Variants in CADPS2 observed in about 807,000 individuals in gnomAD.
CADPS2 encodes the protein calcium-dependent secretion activator 2.
Under a neutral mutation model 172.5 loss-of-function variants are expected in CADPS2, and 93 were observed. The ratio of observed to expected loss-of-function variants is 0.54; its 90% CI spans 0.46 to 0.64. CADPS2 has a LOEUF of 0.64. Among genes scored for constraint, CADPS2 ranks in the 30% least tolerant of loss-of-function variants. The pLI, the probability that CADPS2 is intolerant of heterozygous loss-of-function variation, is 0.00. For synonymous variants in CADPS2, 546 were observed against 555.2 expected (o/e 0.98, Z 0.23); for missense variants, 1,420 against 1,565.9 (o/e 0.91, Z 1.57).
intron 4 of CADPS2, among the ~76,000 whole-genome samples, chr7:122,626,410 T>C (rs1173651173): frequency 1.3e-5 from 2 of 152,186 alleles, no homozygotes; most frequent in Admixed American, 6.5e-5. Flanking sequence ...CTGATAAGTT[T>C]TGCATGAGGT....
At chr7:122,437,592 C>T (rs2050792613) in intron 17 of CADPS2, among the ~76,000 whole-genome samples, 1 of 149,856 alleles carries the variant, frequency 6.7e-6, no homozygotes, top group Admixed American at 6.6e-5. Flanking sequence ...GCATTTTTTC[C>T]CTCTATTAGT....
chr7:122,715,225 C>T (rs2089420318), intron 2 of CADPS2, among the ~76,000 whole-genome samples: 1 of 152,126 alleles, frequency 6.6e-6, no homozygotes, highest in South Asian at 2.1e-4. Context: ...GTTTTCATAC[C>T]GATATACAGG....
At chr7:122,431,924 C>T (rs1166081235) in intron 17 of CADPS2, among the ~76,000 whole-genome samples, 5 of 3,552 alleles carry the variant, frequency 1.4e-3, no homozygotes, top group African/African-American at 2.4e-3. Flanking sequence ...TCATCGGGGG[C>T]GGGGGTGGGG....
intron 2 of CADPS2, among the ~76,000 whole-genome samples, chr7:122,709,606 A>C (rs2088310684): frequency 6.6e-6 from 1 of 151,854 alleles, no homozygotes; most frequent in African/African-American, 2.4e-5. Context: ...ACACATGCAC[A>C]CGTATGTTTA....
At chr7:122,601,668 G>A (rs1387645972) in intron 6 of CADPS2, among the ~76,000 whole-genome samples, 1 of 151,756 alleles carries the variant, frequency 6.6e-6, no homozygotes, top group Non-Finnish European at 1.5e-5. Flanking sequence ...ATTTTAATTT[G>A]GAAGACGTGT....
At chr7:122,571,447 C>T (rs2067242677) in intron 7 of CADPS2, among the ~76,000 whole-genome samples, 1 of 152,026 alleles carries the variant, frequency 6.6e-6, no homozygotes, top group Non-Finnish European at 1.5e-5. Flanking sequence ...GGATGCTGTG[C>T]ATAATATGAT....
intron 2 of CADPS2, among the ~76,000 whole-genome samples, chr7:122,729,097 T>C (rs527816900): frequency 3.3e-5 from 5 of 151,950 alleles, no homozygotes; most frequent in African/African-American, 1.2e-4. Flanking sequence ...AGATTCTACA[T>C]ATGAGGGAAA....
At chr7:122,418,637 G>A (rs77512676) in intron 17 of CADPS2, among the ~76,000 whole-genome samples, 1,551 of 152,278 alleles carry the variant, frequency 0.01, 19 homozygotes, top group South Asian at 0.022. Flanking sequence ...AGTAGGAATA[G>A]AAAAGAAGGG....
intron 1 of CADPS2, among the ~76,000 whole-genome samples, chr7:122,861,519 G>A (rs1563196714): frequency 6.6e-6 from 1 of 152,208 alleles, no homozygotes; most frequent in Non-Finnish European, 1.5e-5. Flanking sequence ...CAGATGCACA[G>A]TTTATAATTT....
intron 1 of CADPS2, among the ~76,000 whole-genome samples, chr7:122,812,458 A>G (rs1263512988): frequency 6.6e-6 from 1 of 151,906 alleles, no homozygotes; most frequent in African/African-American, 2.4e-5. Flanking sequence ...GAAAGAAAGA[A>G]AAAAAGAAAG....
intron 8 of CADPS2, among the ~76,000 whole-genome samples, chr7:122,514,323 G>A (rs1411833517): frequency 6.6e-6 from 1 of 151,926 alleles, no homozygotes; most frequent in East Asian, 1.9e-4. Context: ...ATACAATTCT[G>A]AGTGATTTTT....
chr7:122,633,985 T>A (rs1189275329), intron 3 of CADPS2, among the ~76,000 whole-genome samples: 1 of 152,214 alleles, frequency 6.6e-6, no homozygotes, highest in Non-Finnish European at 1.5e-5. Context: ...TGGTGAATTA[T>A]CTTTATTTAT....
At chr7:122,433,889 G>A (rs903634921) in intron 17 of CADPS2, among the ~76,000 whole-genome samples, 1 of 152,094 alleles carries the variant, frequency 6.6e-6, no homozygotes, top group African/African-American at 2.4e-5. Context: ...AGGAGATCAG[G>A]CAACTCTACA....
chr7:122,835,549 G>T (rs550775999), intron 1 of CADPS2, among the ~76,000 whole-genome samples: 7 of 152,094 alleles, frequency 4.6e-5, no homozygotes, highest in Non-Finnish European at 1.0e-4. Flanking sequence ...AAGATTAGAC[G>T]AACGGATAAC....
chr7:122,653,582 T>C (rs146981093), intron 3 of CADPS2, among the ~76,000 whole-genome samples: 3 of 152,380 alleles, frequency 2.0e-5, no homozygotes, highest in Admixed American at 6.5e-5. Flanking sequence ...TTTCTCTTTA[T>C]TGCACTTTGC....
intron 2 of CADPS2, among the ~76,000 whole-genome samples, chr7:122,721,863 C>T (rs1375033191): frequency 2.0e-5 from 3 of 152,140 alleles, no homozygotes; most frequent in African/African-American, 4.8e-5. Context: ...GGGCTTCATC[C>T]CTGGGATACA....
chr7:122,391,883 G>T (rs540744780), intron 22 of CADPS2, among the ~76,000 whole-genome samples: 7 of 152,182 alleles, frequency 4.6e-5, no homozygotes, highest in Non-Finnish European at 8.8e-5. Flanking sequence ...TAGGAGTGAG[G>T]AATTTGTAGT....
chr7:122,461,132 C>T (rs73431579), intron 14 of CADPS2, among the ~76,000 whole-genome samples: 7,822 of 152,220 alleles, frequency 0.051, 492 homozygotes, highest in African/African-American at 0.15. Context: ...TTCACAATAG[C>T]AGCCAATTCC....
intron 28 of CADPS2, among the ~76,000 whole-genome samples, chr7:122,330,500 T>C (rs577149267): frequency 9.9e-5 from 15 of 152,262 alleles, no homozygotes; most frequent in Non-Finnish European, 1.8e-4. Flanking sequence ...TGTCAAGGTT[T>C]TTCTACCCTG....
Sources: gnomAD v4.1 joint callset for allele counts (sites outside exome capture counted in the v4.1 genomes callset) on GRCh38, gnomAD v4.1.1 for gene constraint, MANE v1.5 for transcripts, NCBI Gene and HGNC (gene_info 2026-07-23, HGNC 2026-07-21) for gene names.